The following KRIT1 variants were observed in gnomAD, a reference collection of about 807,000 sequenced individuals.
KRIT1 encodes the protein KRIT1 ankyrin repeat containing, also known as krev interaction trapped protein 1.
In KRIT1, 45 loss-of-function variants were observed where a neutral mutation model predicts 95.8. The ratio of observed to expected loss-of-function variants is 0.47; its 90% CI spans 0.37 to 0.60. KRIT1 has a LOEUF of 0.60. Ranked by LOEUF, KRIT1 falls within the 20% of genes least tolerant of loss-of-function variation. The pLI is 0.00. For synonymous variants in KRIT1, 282 were observed against 278.8 expected (o/e 1.01, Z -0.11); for missense variants, 788 against 877.5 (o/e 0.90, Z 1.29).
At chr7:92,230,533 G>A (rs1366887774) in intron 10 of KRIT1, among the ~76,000 whole-genome samples, 1 of 152,148 alleles carries the variant, frequency 6.6e-6, no homozygotes, top group East Asian at 1.9e-4. Flanking sequence ...GTGAAAAAGA[G>A]AAAGCAGAGT....
intron 17 of KRIT1, among the ~76,000 whole-genome samples, chr7:92,208,301 C>A: frequency 6.7e-6 from 1 of 148,474 alleles, no homozygotes; most frequent in Non-Finnish European, 1.5e-5. Flanking sequence ...ACTAGAAAAG[C>A]AAGAAAAAAC....
intron 3 of KRIT1, among the ~76,000 whole-genome samples, chr7:92,242,964 G>A (rs549382255): frequency 2.7e-4 from 41 of 152,184 alleles, no homozygotes; most frequent in South Asian, 1.7e-3. Flanking sequence ...ATTAACAGGC[G>A]TGTGCCACCA....
At chr7:92,232,754 C>T (rs903677072) in intron 10 of KRIT1, among the ~76,000 whole-genome samples, 12 of 151,912 alleles carry the variant, frequency 7.9e-5, no homozygotes, top group Admixed American at 6.6e-4. Flanking sequence ...AGTGCAGTGG[C>T]GTGATCTCAG....
intron 17 of KRIT1, among the ~76,000 whole-genome samples, chr7:92,203,840 T>C (rs1790762294): frequency 6.6e-6 from 1 of 152,138 alleles, no homozygotes; most frequent in African/African-American, 2.4e-5. Flanking sequence ...GTGGGGGGCA[T>C]TTCTCCTTCA....
At chr7:92,231,970 C>T (rs550287591) in intron 10 of KRIT1, among the ~76,000 whole-genome samples, 12 of 152,224 alleles carry the variant, frequency 7.9e-5, no homozygotes, top group Non-Finnish European at 1.2e-4. Context: ...CTCACTCAGT[C>T]GCCCAGGCTG....
intron 12 of KRIT1, among the ~76,000 whole-genome samples, chr7:92,223,361 C>A (rs528262140): frequency 6.8e-6 from 1 of 147,816 alleles, no homozygotes; most frequent in East Asian, 2.0e-4. Context: ...GTGAGAATGG[C>A]GTGAACCCCG....
At chr7:92,214,362 T>TA (rs1249111314) in intron 15 of KRIT1, among the ~76,000 whole-genome samples, 2 of 152,170 alleles carry the variant, frequency 1.3e-5, no homozygotes, top group East Asian at 3.9e-4. Context: ...AGTGAACTTA[T>TA]TTAAGCATAA....
chr7:92,232,223 C>T lies in KRIT1; in HGVS notation c.989+2226G>A, dbSNP rs919533996. On this transcript the variant is annotated intron_variant, in intron 10 of 18. Transcript: ENST00000394505. The stretch of plus-strand genomic sequence containing the variant: ...GATTACAGGTGTGGGCCACTACACC[C>T]GGCCAACACTTATTCTTAAAAGCCA... 2.6e-5 allele frequency among the ~76,000 whole-genome samples: 4 copies of T among 152,256 alleles called. No individual in the cohort carries two copies. In the South Asian group the frequency reaches 8.3e-4, roughly 32 times the overall value.
chr7:92,215,863 G>A (rs541812641), intron 14 of KRIT1, among the ~76,000 whole-genome samples: 7 of 151,674 alleles, frequency 4.6e-5, no homozygotes, highest in Admixed American at 1.3e-4. Flanking sequence ...CAAAGTCACC[G>A]GTTATAAAGT....
Position 92,222,814 on chromosome 7 carries a change from T to C in KRIT1, c.1411+8A>G. ...AGGTTTACTATAACATAATAAAAAC[T>C]TTCTTACTGAGGTTTTCTGAACAAA... On this transcript the variant is annotated splice_region_variant and intron_variant, in intron 13 of 18. Coordinates refer to ENST00000394505, the MANE Select transcript of KRIT1 (RefSeq NM_194454.3). 6.4e-7 allele frequency: 1 copy of C among 1,574,692 alleles called. No individual in the cohort carries two copies. The highest frequency in any genetic ancestry group is 8.7e-7 in the Non-Finnish European group (1 of 1,144,694).
intron 17 of KRIT1, among the ~76,000 whole-genome samples, chr7:92,208,690 T>G (rs148054341): frequency 1.3e-5 from 2 of 151,904 alleles, no homozygotes; most frequent in Non-Finnish European, 2.9e-5. Flanking sequence ...ACAGATAAAT[T>G]CTCGGTAATG....
At chr7:92,231,509 C>A (rs983987552) in intron 10 of KRIT1, among the ~76,000 whole-genome samples, 1 of 152,154 alleles carries the variant, frequency 6.6e-6, no homozygotes, top group South Asian at 2.1e-4. Context: ...TTAAAACCCT[C>A]ATTTTAAAGG....
chr7:92,240,992 C>A lies in KRIT1; in HGVS notation c.262+1G>T, dbSNP rs1461421005. Reference sequence around the variant, plus strand: ...TGTTTTTTAAAAAAGAAGTTTCCTACCTCTGATACCCTGGTTTGCAGGAGA... The same window carrying A: ...TGTTTTTTAAAAAAGAAGTTTCCTAACTCTGATACCCTGGTTTGCAGGAGA... On this transcript the variant is annotated splice_donor_variant, in intron 5 of 18. Coordinates refer to ENST00000394505, the MANE Select transcript of KRIT1 (RefSeq NM_194454.3). LOFTEE classifies it high-confidence loss of function. 6.2e-7 allele frequency: 1 copy of A among 1,605,054 alleles called. No homozygotes were observed. Among genetic ancestry groups the A allele is most frequent in the Non-Finnish European group, 8.5e-7 (1 of 1,171,832 alleles).
intron 10 of KRIT1, among the ~76,000 whole-genome samples, chr7:92,227,073 G>A (rs1051285944): frequency 2.6e-5 from 4 of 152,138 alleles, no homozygotes; most frequent in Admixed American, 6.5e-5. Flanking sequence ...ACTTAGGCCC[G>A]GCTGTTTACA....
At chr7:92,208,154 A>C (rs1016387328) in intron 17 of KRIT1, among the ~76,000 whole-genome samples, 4 of 152,148 alleles carry the variant, frequency 2.6e-5, no homozygotes, top group Non-Finnish European at 5.9e-5. Flanking sequence ...AATTTCTCAA[A>C]TGCAATGAAA....
chr7:92,200,009 T>C lies in KRIT1; in HGVS notation c.*727A>G, dbSNP rs977034207. The stretch of plus-strand genomic sequence containing the variant: ...AAAACTGTTTTAAATAACAGTGTTA[T>C]GTGGTTCAAGTAGAAAATACATTTT... On this transcript the variant is annotated 3_prime_UTR_variant, in exon 19 of 19. Transcript: ENST00000394505. The C allele has an allele frequency of 3.3e-5, 5 of 152,704 alleles. No homozygotes were observed. The highest frequency in any genetic ancestry group is 9.6e-5 in the African/African-American group (4 of 41,478). 9.5% of individuals were successfully genotyped at this position (152,704 alleles called of 1,614,324 possible).
intron 12 of KRIT1, among the ~76,000 whole-genome samples, chr7:92,225,456 C>A (rs186064076): frequency 6.6e-6 from 1 of 151,908 alleles, no homozygotes; most frequent in Non-Finnish European, 1.5e-5. Flanking sequence ...TACAGGTGCA[C>A]GCCACCATGC....
intron 12 of KRIT1, among the ~76,000 whole-genome samples, chr7:92,224,651 A>G (rs1249489844): frequency 6.6e-6 from 1 of 152,110 alleles, no homozygotes; most frequent in Non-Finnish European, 1.5e-5. Flanking sequence ...TTATGAGTTT[A>G]TTTCCAGTTG....
In KRIT1 at chr7:92,226,688, T is replaced by C. The variant is rs781295915; in HGVS notation, c.990-6A>G. 2 of 1,612,034 alleles carry C rather than the reference T, an allele frequency of 1.2e-6. No homozygotes were observed. The highest frequency in any genetic ancestry group is 1.7e-6 in the Non-Finnish European group (2 of 1,179,116). ...TGGCCTCAACTTTTCCATACCTGTA[T>C]AAAAAAACAAACAAACAAAAAACAA... On this transcript the variant is annotated splice_polypyrimidine_tract_variant and splice_region_variant and intron_variant, in intron 10 of 18. Coordinates refer to ENST00000394505, the MANE Select transcript of KRIT1 (RefSeq NM_194454.3).
Sources: gnomAD v4.1 joint callset for allele counts (sites outside exome capture counted in the v4.1 genomes callset) on GRCh38, gnomAD v4.1.1 for gene constraint, MANE v1.5 for transcripts, NCBI Gene and HGNC (gene_info 2026-07-23, HGNC 2026-07-21) for gene names.